Variants in RGL1 observed in about 807,000 individuals in gnomAD.
RGL1 encodes the protein ral guanine nucleotide dissociation stimulator-like 1.
Under a neutral mutation model 95.2 loss-of-function variants are expected in RGL1, and 24 were observed. The observed-to-expected ratio is 0.25, with a 90% CI of 0.18 to 0.35. The LOEUF (loss-of-function observed/expected upper bound fraction) is 0.35, where lower values mean the gene tolerates loss of function less well. RGL1 is among the 10% of genes least tolerant of loss of function. The pLI is 1.00. For missense variants in RGL1, 715 were observed against 936.3 expected (o/e 0.76, Z 3.08); for synonymous variants, 329 against 344.9 (o/e 0.95, Z 0.51).
intron 14 of RGL1, among the ~76,000 whole-genome samples, chr1:183,907,753 A>G (rs766424751): frequency 6.6e-6 from 1 of 152,166 alleles, no homozygotes; most frequent in African/African-American, 2.4e-5. Flanking sequence ...CTTGTCTATC[A>G]TGCTCGCAGT....
At chr1:183,691,804 A>G (rs1653959515) in intron 1 of RGL1, among the ~76,000 whole-genome samples, 1 of 152,160 alleles carries the variant, frequency 6.6e-6, no homozygotes, top group Non-Finnish European at 1.5e-5. Flanking sequence ...TAAACCTGAA[A>G]TATGCATAAC....
chr1:183,870,340 G>T (rs1409561699), intron 4 of RGL1, among the ~76,000 whole-genome samples: 1 of 139,736 alleles, frequency 7.2e-6, no homozygotes, highest in African/African-American at 2.6e-5. Flanking sequence ...GGCCAGGGTA[G>T]GTGTCTTCCG....
At chr1:183,667,347 G>A (rs1184522469) in intron 1 of RGL1, among the ~76,000 whole-genome samples, 3 of 151,702 alleles carry the variant, frequency 2.0e-5, no homozygotes, top group African/African-American at 2.4e-5. Flanking sequence ...TTTTTGAGAC[G>A]GAGTTTTGCT....
At chr1:183,902,621 T>C in intron 12 of RGL1, 21 bp downstream of exon 12, 1 of 1,607,472 alleles carries the variant, frequency 6.2e-7, no homozygotes, top group African/African-American at 1.3e-5. Context: ...TTGTTGGCTG[T>C]GTTTCCTTTG....
At chr1:183,656,263 T>G (rs1344770205) in intron 1 of RGL1, among the ~76,000 whole-genome samples, 1 of 152,178 alleles carries the variant, frequency 6.6e-6, no homozygotes, top group Admixed American at 6.5e-5. Context: ...ACCAAATAAG[T>G]ACATTTATGA....
intron 1 of RGL1, among the ~76,000 whole-genome samples, chr1:183,686,161 C>T (rs1653568007): frequency 6.6e-6 from 1 of 152,090 alleles, no homozygotes; most frequent in Non-Finnish European, 1.5e-5. Flanking sequence ...TTTCAGAAGT[C>T]ATTCCTCTTT....
At position 183,735,463 on chromosome 1, in the gene RGL1, T is replaced by C. The variant is rs185317042; in HGVS notation, c.-32-6663T>C. On this transcript the variant is annotated intron_variant, in intron 1 of 18. Transcript: ENST00000304685. ...GGAGTTTTGTAAAAAATTGAAGCAGTGTAACAAACTTATGTCTAATCTTGC... is the reference window on the plus strand; with the variant it reads ...GGAGTTTTGTAAAAAATTGAAGCAGCGTAACAAACTTATGTCTAATCTTGC... Among the ~76,000 whole-genome samples, 5 of 152,260 alleles carry C rather than the reference T, an allele frequency of 3.3e-5. No homozygotes were observed. In the East Asian group the frequency reaches 7.7e-4, roughly 23 times the overall value.
At chr1:183,880,088 G>C (rs1666736838) in intron 4 of RGL1, among the ~76,000 whole-genome samples, 2 of 152,160 alleles carry the variant, frequency 1.3e-5, no homozygotes, top group African/African-American at 4.8e-5. Context: ...ATTTTATGAG[G>C]ACATTTTCAG....
chr1:183,731,089 C>G (rs1348601422), intron 1 of RGL1, among the ~76,000 whole-genome samples: 1 of 152,114 alleles, frequency 6.6e-6, no homozygotes, highest in African/African-American at 2.4e-5. Flanking sequence ...GAAACAATGT[C>G]AACCAAAATT....
At chr1:183,874,693 A>G (rs187769399) in intron 4 of RGL1, among the ~76,000 whole-genome samples, 34 of 152,290 alleles carry the variant, frequency 2.2e-4, no homozygotes, top group African/African-American at 7.9e-4. Flanking sequence ...GACAATGTAA[A>G]GTGTAAAAAA....
At chr1:183,770,957 A>T (rs76611939) in intron 2 of RGL1, among the ~76,000 whole-genome samples, 1,889 of 152,252 alleles carry the variant, frequency 0.012, 48 homozygotes, top group African/African-American at 0.044. Context: ...TCCCCTGTGG[A>T]TGAGGTGGTA....
intron 2 of RGL1, among the ~76,000 whole-genome samples, chr1:183,780,655 G>A (rs1228451865): frequency 3.3e-5 from 5 of 152,120 alleles, no homozygotes; most frequent in Non-Finnish European, 7.4e-5. Context: ...ATAGGTTTTG[G>A]CCAATAGAAA....
intron 1 of RGL1, among the ~76,000 whole-genome samples, chr1:183,687,572 G>A (rs1191369499): frequency 6.6e-6 from 1 of 152,112 alleles, no homozygotes; most frequent in African/African-American, 2.4e-5. Context: ...GAGATTTTCT[G>A]TGGAAACCTG....
Position 183,840,347 on chromosome 1 carries a change from G to A in RGL1, c.139-7219G>A, listed in dbSNP as rs188907288. On this transcript the variant is annotated intron_variant, in intron 2 of 17. Coordinates refer to ENST00000360851, the MANE Select transcript of RGL1 (RefSeq NM_001297671.3). ...GGGAAGGAGGAATCCTGGTTTCTAT[G>A]ATTCACTTCAAGGGAGAAAGAAGTG... Among the ~76,000 whole-genome samples the A allele has an allele frequency of 3.9e-5, 6 of 152,298 alleles. No homozygotes were observed. In the East Asian group the frequency reaches 9.6e-4, roughly 24 times the overall value.
Position 183,724,828 on chromosome 1 carries a change from A to G in RGL1, c.-32-17298A>G, listed in dbSNP as rs1267755318. On this transcript the variant is annotated intron_variant, in intron 1 of 18. Coordinates refer to the RGL1 transcript ENST00000304685. The surrounding 1 kb of genome is among the most constrained non-coding windows in gnomAD (Gnocchi z 4.1). The stretch of plus-strand genomic sequence containing the variant: ...CTTAGGGCCTTGAGTGAACACAGGC[A>G]GTAGGCAGATAGTGGTTATAGCAGG... Among the ~76,000 whole-genome samples the G allele has an allele frequency of 6.6e-6, 1 of 152,058 alleles. No homozygotes were observed. Among genetic ancestry groups the G allele is most frequent in the African/African-American group, 2.4e-5 (1 of 41,378 alleles).
intron 1 of RGL1, among the ~76,000 whole-genome samples, chr1:183,677,120 A>G (rs575687849): frequency 1.8e-4 from 28 of 151,766 alleles, no homozygotes; most frequent in Non-Finnish European, 2.8e-4. Flanking sequence ...TCCTGGCATA[A>G]TTAATGGTAT....
At chr1:183,732,850 C>A (rs558404845) in intron 1 of RGL1, among the ~76,000 whole-genome samples, 1 of 152,322 alleles carries the variant, frequency 6.6e-6, no homozygotes, top group East Asian at 1.9e-4. Flanking sequence ...GTTGAAAATA[C>A]TCTGACTCCG....
At chr1:183,711,514 A>G (rs1166302960) in intron 1 of RGL1, among the ~76,000 whole-genome samples, 1 of 152,134 alleles carries the variant, frequency 6.6e-6, no homozygotes, top group African/African-American at 2.4e-5. Context: ...GTGAAATACT[A>G]TAGCCCACTC....
rs573197369 is a variant in RGL1, at chr1:183,735,707, C to T, written c.-32-6419C>T. 4.6e-5 allele frequency among the ~76,000 whole-genome samples: 7 copies of T among 152,304 alleles called. No individual in the cohort carries two copies. In the East Asian group the frequency reaches 5.8e-4, roughly 13 times the overall value. On this transcript the variant is annotated intron_variant, in intron 1 of 18. Coordinates refer to the RGL1 transcript ENST00000304685. ...ACACAAGCAACATTTAGTATTACTACGAAATTATCTAATGGGCTTCCTTTC... is the reference window on the plus strand; with the variant it reads ...ACACAAGCAACATTTAGTATTACTATGAAATTATCTAATGGGCTTCCTTTC...
Sources: allele counts gnomAD v4.1 joint callset (sites outside exome capture counted in the v4.1 genomes callset), GRCh38; gene constraint gnomAD v4.1.1; non-coding constraint Gnocchi (gnomAD v3.1); transcripts MANE v1.5; gene names NCBI Gene and HGNC (gene_info 2026-07-23, HGNC 2026-07-21).